The following CEMIP2 variants were observed in gnomAD, a reference collection of about 807,000 sequenced individuals.
CEMIP2 encodes cell migration inducing hyaluronidase 2, also known as cell surface hyaluronidase CEMIP2.
A neutral mutation model predicts 146.9 loss-of-function variants in CEMIP2; 79 were observed. The ratio of observed to expected loss-of-function variants is 0.54; its 90% CI spans 0.45 to 0.65. The LOEUF (loss-of-function observed/expected upper bound fraction) is 0.65, where lower values mean the gene tolerates loss of function less well. Among genes scored for constraint, CEMIP2 ranks in the 30% least tolerant of loss-of-function variants. The pLI is 0.00. For synonymous variants in CEMIP2, 601 were observed against 606.3 expected (o/e 0.99, Z 0.13); for missense variants, 1,596 against 1,696.2 (o/e 0.94, Z 1.04).
chr9:71,733,867 G>A (rs755411778), intron 6 of CEMIP2, among the ~76,000 whole-genome samples: 39 of 147,198 alleles, frequency 2.6e-4, no homozygotes, highest in Non-Finnish European at 4.8e-4. Flanking sequence ...TTTTTGAGAC[G>A]CAGTCTCGCT....
chr9:71,695,026 T>C (rs1822353748), intron 20 of CEMIP2, among the ~76,000 whole-genome samples: 1 of 152,234 alleles, frequency 6.6e-6, no homozygotes, highest in African/African-American at 2.4e-5. Flanking sequence ...AAACGTTTAC[T>C]AACTTTGAAC....
At chr9:71,728,965 G>A (rs1282809731) in intron 10 of CEMIP2, among the ~76,000 whole-genome samples, 1 of 151,784 alleles carries the variant, frequency 6.6e-6, no homozygotes, top group Non-Finnish European at 1.5e-5. Flanking sequence ...CAAGTCGCTG[G>A]GACAATAGGC....
At chr9:71,706,510 T>C (rs546100423) in intron 17 of CEMIP2, among the ~76,000 whole-genome samples, 1 of 152,320 alleles carries the variant, frequency 6.6e-6, no homozygotes, top group South Asian at 2.1e-4. Flanking sequence ...CTACTCTGAT[T>C]TGTAATATAG....
rs772711215 is a variant in CEMIP2 at position 71,700,837 on chromosome 9, A to C, written c.3195-13T>G. ...AATCCAGTCATTCCTTTAAAGGAGAAACATAAAAAAATTAGTTTACACTTC... is the reference window on the plus strand; with the variant it reads ...AATCCAGTCATTCCTTTAAAGGAGACACATAAAAAAATTAGTTTACACTTC... On this transcript the variant is annotated splice_polypyrimidine_tract_variant and intron_variant, in intron 18 of 23. Coordinates refer to ENST00000377044, the MANE Select transcript of CEMIP2 (RefSeq NM_013390.3). 3.1e-6 allele frequency: 5 copies of C among 1,594,864 alleles called. No individual in the cohort carries two copies. The highest frequency in any genetic ancestry group is 4.3e-6 in the Non-Finnish European group (5 of 1,173,198).
chr9:71,756,718 A>G (rs747504877), intron 1 of CEMIP2, among the ~76,000 whole-genome samples: 2 of 152,190 alleles, frequency 1.3e-5, no homozygotes, highest in Non-Finnish European at 2.9e-5. Flanking sequence ...ATAAAATGCA[A>G]TTCTAGTATG....
chr9:71,763,074 A>G (rs1293899915), intron 1 of CEMIP2, among the ~76,000 whole-genome samples: 1 of 151,876 alleles, frequency 6.6e-6, no homozygotes, highest in Non-Finnish European at 1.5e-5. Flanking sequence ...AAAAAAAAAA[A>G]GAAAACCTCA....
intron 1 of CEMIP2, among the ~76,000 whole-genome samples, chr9:71,756,177 A>G (rs1378782636): frequency 5.4e-5 from 8 of 149,444 alleles, no homozygotes; most frequent in Non-Finnish European, 1.0e-4. Context: ...CTGCCAAGGA[A>G]TTAAGCAAAA....
chr9:71,728,231 C>G lies in CEMIP2; in HGVS notation c.2049+1614G>C, dbSNP rs28405711. Among the ~76,000 whole-genome samples the G allele has an allele frequency of 1.4e-4, 2 of 14,778 alleles. 1 individual carries two copies. The highest frequency in any genetic ancestry group is 2.5e-4 in the Non-Finnish European group (2 of 7,976). The allele number at this position is 14,778 out of a possible 152,430, so 9.7% of individuals were successfully genotyped here. ...TCTCTCTCTCTCTCTCTCTCTCTCT[C>G]TATATATATATATATATATGTATAT... On this transcript the variant is annotated intron_variant, in intron 10 of 23. Transcript: ENST00000377044.
Position 71,730,893 on chromosome 9 carries a change from C to A in CEMIP2, c.1585G>T (p.Val529Phe), listed in dbSNP as rs754836558. The stretch of plus-strand genomic sequence containing the variant: ...TTCAATTCCACATAAGAAAGATGGA[C>A]TGAAGTAAAATTTTTCATTATCTGT... ...HIMIMKNFTS[V>F]HLSYVELKHM... Residue 529 changes from valine to phenylalanine, a missense_variant, in exon 8 of 24, where the codon GTC becomes TTC. Val to Phe is a conservative substitution (Grantham distance 50). Coordinates refer to ENST00000377044, the MANE Select transcript of CEMIP2 (RefSeq NM_013390.3). The A allele has an allele frequency of 1.9e-6, 3 of 1,614,124 alleles. No homozygotes were observed. Among genetic ancestry groups the A allele is most frequent in the African/African-American group, 1.3e-5 (1 of 75,012 alleles).
intron 1 of CEMIP2, among the ~76,000 whole-genome samples, chr9:71,762,473 C>T (rs1448340454): frequency 7.9e-6 from 1 of 125,908 alleles, no homozygotes; most frequent in African/African-American, 3.0e-5. Flanking sequence ...GCCTGGGTAA[C>T]CTAACAAGAC....
chr9:71,751,372 C>T (rs920038358), intron 1 of CEMIP2, among the ~76,000 whole-genome samples: 1 of 152,214 alleles, frequency 6.6e-6, no homozygotes, highest in African/African-American at 2.4e-5. Context: ...AATGTCACTC[C>T]TTCTCAACCC....
chr9:71,695,746 T>A (rs1822381197), intron 20 of CEMIP2, among the ~76,000 whole-genome samples: 1 of 152,146 alleles, frequency 6.6e-6, no homozygotes, highest in African/African-American at 2.4e-5. Context: ...CTTTGAAGTC[T>A]CCAAGTTTGG....
chr9:71,753,520 G>A (rs1369534286), intron 1 of CEMIP2, among the ~76,000 whole-genome samples: 2 of 152,118 alleles, frequency 1.3e-5, no homozygotes, highest in East Asian at 1.9e-4. Context: ...GTATGTAAAT[G>A]TGTATACACA....
At chr9:71,746,470 G>C (rs1824092403) in intron 2 of CEMIP2, 129 bp from the exon 3 acceptor site, 1 of 1,099,278 alleles carries the variant, frequency 9.1e-7, no homozygotes, top group South Asian at 1.6e-5. Context: ...CCTGCCATTA[G>C]AATGGAAATC....
At chr9:71,691,960 T>C (rs1253947886) in intron 21 of CEMIP2, among the ~76,000 whole-genome samples, 2 of 151,848 alleles carry the variant, frequency 1.3e-5, no homozygotes, top group African/African-American at 4.8e-5. Flanking sequence ...AATAAAAAAA[T>C]TAGCTGGGCA....
chr9:71,728,273 A>ATATGTG lies in CEMIP2; in HGVS notation c.2049+1571_2049+1572insCACATA, dbSNP rs1564012391. On this transcript the variant is annotated intron_variant, in intron 10 of 23. Coordinates refer to ENST00000377044, the MANE Select transcript of CEMIP2 (RefSeq NM_013390.3). ...TATGTATATACACGTATATATATAT[A>ATATGTG]TATATATGTATATATATATATATAT... Among the ~76,000 whole-genome samples the ATATGTG allele has an allele frequency of 2.1e-3, 20 of 9,618 alleles. 4 individuals are homozygous for ATATGTG. Among genetic ancestry groups the ATATGTG allele is most frequent in the South Asian group, 7.6e-3 (2 of 264 alleles). 6.3% of individuals were successfully genotyped at this position (9,618 alleles called of 152,430 possible). A position where few individuals can be genotyped will look rare whatever the true frequency, so the allele number is the denominator to read the frequency against.
intron 4 of CEMIP2, among the ~76,000 whole-genome samples, chr9:71,741,185 A>ATTTTTTT (rs79872255): frequency 2.8e-5 from 2 of 72,240 alleles, no homozygotes; most frequent in African/African-American, 1.3e-4. Flanking sequence ...ACTGAGTTAG[A>ATTTTTTT]TTTTTTTTTT....
chr9:71,725,658 C>T lies in CEMIP2; in HGVS notation c.2101G>A (p.Gly701Arg), dbSNP rs112013744. ...FHKEPTGESSGLQLLAKPELT... is the reference protein window; with the variant it reads ...FHKEPTGESSRLQLLAKPELT... ...TCTGGTTTTGCCAAGAGCTGCAATCCACTGGATTCCCCAGTTGGTTCCTTG... is the reference window on the plus strand; with the variant it reads ...TCTGGTTTTGCCAAGAGCTGCAATCTACTGGATTCCCCAGTTGGTTCCTTG... Residue 701 changes from glycine (G) to arginine (R), a missense_variant, in exon 11 of 24, where the codon GGA becomes AGA. Gly to Arg is a moderately radical substitution (Grantham distance 125, BLOSUM62 -2). Coordinates refer to ENST00000377044, the MANE Select transcript of CEMIP2 (RefSeq NM_013390.3). 1 of 1,613,928 alleles carries T rather than the reference C, an allele frequency of 6.2e-7. No homozygotes were observed. The highest frequency in any genetic ancestry group is 1.3e-5 in the African/African-American group (1 of 75,004).
intron 10 of CEMIP2, among the ~76,000 whole-genome samples, chr9:71,728,181 C>T (rs1823445129): frequency 7.5e-6 from 1 of 133,790 alleles, no homozygotes; most frequent in Non-Finnish European, 1.6e-5. Flanking sequence ...GTCTGGTCAA[C>T]ACAGCGAAAC....
Sources: gnomAD v4.1 joint callset for allele counts (sites outside exome capture counted in the v4.1 genomes callset) on GRCh38, gnomAD v4.1.1 for gene constraint, MANE v1.5 for transcripts, NCBI Gene and HGNC (gene_info 2026-07-23, HGNC 2026-07-21) for gene names.